RBFOX2: variants seen among roughly 807,000 people sequenced by gnomAD.
RBFOX2 encodes RNA binding fox-1 homolog 2, also known as RNA binding protein fox-1 homolog 2.
RBFOX2 carries 10 observed loss-of-function variants against 49.1 expected under a neutral mutation model. The observed-to-expected ratio is 0.20, with a 90% CI of 0.13 to 0.35. The LOEUF is 0.35. Ranked by LOEUF, RBFOX2 falls within the 10% of genes least tolerant of loss-of-function variation. The pLI, the probability that RBFOX2 is intolerant of heterozygous loss-of-function variation, is 1.00. For missense variants in RBFOX2, 323 were observed against 486.9 expected (o/e 0.66, Z 3.17); for synonymous variants, 183 against 187.4 (o/e 0.98, Z 0.19).
chr22:35,871,822 G>C (rs2044387498), intron 1 of RBFOX2, among the ~76,000 whole-genome samples: 1 of 152,112 alleles, frequency 6.6e-6, no homozygotes, highest in South Asian at 2.1e-4. Context: ...TTTAATAAGG[G>C]TAATGTTTAA....
intron 1 of RBFOX2, among the ~76,000 whole-genome samples, chr22:35,909,036 G>A (rs1425226706): frequency 6.6e-6 from 1 of 152,082 alleles, no homozygotes; most frequent in Non-Finnish European, 1.5e-5. Flanking sequence ...TATAGACAGG[G>A]TTTCACTGTG....
intron 1 of RBFOX2, among the ~76,000 whole-genome samples, chr22:35,967,716 A>G (rs2056645345): frequency 6.6e-6 from 1 of 152,202 alleles, no homozygotes; most frequent in Non-Finnish European, 1.5e-5. Context: ...CACCATCCTC[A>G]GCTATCCAAG....
chr22:35,788,595 T>C (rs1946921988), intron 2 of RBFOX2, among the ~76,000 whole-genome samples: 1 of 152,228 alleles, frequency 6.6e-6, no homozygotes, highest in South Asian at 2.1e-4. Context: ...AAAAAATCCC[T>C]TCAGAATTTT....
chr22:35,929,175 G>A (rs1255887878), intron 1 of RBFOX2, among the ~76,000 whole-genome samples: 1 of 151,668 alleles, frequency 6.6e-6, no homozygotes, highest in Non-Finnish European at 1.5e-5. Flanking sequence ...TAGAGATGGG[G>A]TTTAACTGGG....
At position 35,784,939 on chromosome 22, in the gene RBFOX2, G is replaced by A. The variant is rs146047503; in HGVS notation, c.253-3193C>T. Among the ~76,000 whole-genome samples the A allele has an allele frequency of 5.3e-3, 802 of 152,314 alleles. 5 individuals are homozygous for A. The highest frequency in any genetic ancestry group is 0.01 in the Middle Eastern group (3 of 294). ...GGTGGCGACCCACTCCACAGAGGGC[G>A]CGATCCCACTCCAGGCCTCTTGCAA... On this transcript the variant is annotated intron_variant, in intron 2 of 11. Transcript: ENST00000405409.
intron 1 of RBFOX2, among the ~76,000 whole-genome samples, chr22:35,863,024 G>T (rs1483459262): frequency 6.6e-6 from 1 of 152,092 alleles, no homozygotes; most frequent in South Asian, 2.1e-4. Context: ...GGAATAAGTG[G>T]CCTCAACAGC....
upstream of RBFOX2, among the ~76,000 whole-genome samples, chr22:35,845,187 A>G (rs2041022626): frequency 6.6e-6 from 1 of 152,112 alleles, no homozygotes; most frequent in Non-Finnish European, 1.5e-5. Context: ...CCCACACAAT[A>G]ACCCTAACTA....
At chr22:36,017,603 G>A (rs1216369746) in intron 1 of RBFOX2, among the ~76,000 whole-genome samples, 1 of 152,102 alleles carries the variant, frequency 6.6e-6, no homozygotes, top group East Asian at 1.9e-4. Flanking sequence ...AAAGGTTAAG[G>A]TCCCTAGCTG....
At chr22:36,027,683 C>G (rs1002971454) in intron 1 of RBFOX2, among the ~76,000 whole-genome samples, 13 of 152,286 alleles carry the variant, frequency 8.5e-5, no homozygotes, top group Middle Eastern at 6.8e-3. Context: ...CATAACATTA[C>G]CAAACTCCTT....
intron 2 of RBFOX2, among the ~76,000 whole-genome samples, chr22:35,809,158 T>C (rs1315509019): frequency 6.6e-6 from 1 of 152,062 alleles, no homozygotes; most frequent in African/African-American, 2.4e-5. Flanking sequence ...GCAGTGATGA[T>C]GATAAATTCT....
chr22:35,948,212 G>A (rs1322758592), intron 1 of RBFOX2, among the ~76,000 whole-genome samples: 5 of 152,094 alleles, frequency 3.3e-5, no homozygotes, highest in Admixed American at 6.6e-5. Flanking sequence ...ACAAAAGGCC[G>A]TATCACACAG....
At chr22:36,001,417 T>C (rs2058420343) in intron 1 of RBFOX2, among the ~76,000 whole-genome samples, 2 of 152,106 alleles carry the variant, frequency 1.3e-5, no homozygotes, top group Admixed American at 6.5e-5. Context: ...ACAAAAGAAA[T>C]ATAAATGATT....
chr22:35,747,661 C>A (rs1394164944), intron 9 of RBFOX2: 1 of 152,212 alleles, frequency 6.6e-6, no homozygotes, highest in Non-Finnish European at 1.5e-5. Context: ...TAGAATTCAT[C>A]TATTTTACCT....
At chr22:35,832,344 A>T (rs1299409683) in intron 1 of RBFOX2, among the ~76,000 whole-genome samples, 2 of 151,786 alleles carry the variant, frequency 1.3e-5, no homozygotes, top group Non-Finnish European at 2.9e-5. Context: ...CTACATTCCA[A>T]CCTGGGCGAA....
chr22:35,961,526 A>C, intron 1 of RBFOX2: 1 of 1,300,730 alleles, frequency 7.7e-7, no homozygotes, highest in Non-Finnish European at 1.0e-6. Flanking sequence ...ACAAACTCCC[A>C]CTCCACCACC....
In RBFOX2 at chr22:36,012,762, CTTTTT is replaced by C. The variant is rs941262677; in HGVS notation, c.186+15473_186+15477del. ...CTTTTTCAACAAACATTTATCAGTT[CTTTTT>C]TTTGTTTGTTTTTTTGAGACAGAGT... On this transcript the variant is annotated intron_variant, in intron 1 of 13. Transcript: ENST00000438146. 6.6e-5 allele frequency among the ~76,000 whole-genome samples: 10 copies of C among 151,660 alleles called. No homozygotes were observed. In the South Asian group the frequency reaches 1.9e-3, roughly 29 times the overall value.
chr22:35,891,746 C>T (rs1374674303), intron 1 of RBFOX2, among the ~76,000 whole-genome samples: 1 of 151,894 alleles, frequency 6.6e-6, no homozygotes, highest in Non-Finnish European at 1.5e-5. Flanking sequence ...AGTAAGTTGC[C>T]TCAGTACAGG....
chr22:35,878,020 A>ATAC lies in RBFOX2; in HGVS notation c.-34+60824_-34+60826dup, dbSNP rs201095008. 5.3e-3 allele frequency among the ~76,000 whole-genome samples: 782 copies of ATAC among 148,834 alleles called. 5 individuals are homozygous for ATAC. The highest frequency in any genetic ancestry group is 9.2e-3 in the South Asian group (43 of 4,688). ...AAGTTTTTATTTTACATACATATACATACTACTACTACTACTACTACACAC... is the reference window on the plus strand; with the variant it reads ...AAGTTTTTATTTTACATACATATACATACTACTACTACTACTACTACTACACAC... On this transcript the variant is annotated intron_variant, in intron 1 of 13. Transcript: ENST00000359369.
chr22:35,855,743 G>T (rs2149029366), intron 1 of RBFOX2, among the ~76,000 whole-genome samples: 1 of 152,148 alleles, frequency 6.6e-6, no homozygotes. Flanking sequence ...TTAACACTTG[G>T]GTCGGGCACA....
Sources: allele counts gnomAD v4.1 joint callset (sites outside exome capture counted in the v4.1 genomes callset), GRCh38; gene constraint gnomAD v4.1.1; transcripts MANE v1.5; gene names NCBI Gene and HGNC (gene_info 2026-07-23, HGNC 2026-07-21).